The following NOTCH2NLC variants were observed in gnomAD, a reference collection of about 807,000 sequenced individuals.
The protein encoded by NOTCH2NLC is notch homolog 2 N-terminal-like protein C.
In NOTCH2NLC, 4 loss-of-function variants were observed where a neutral mutation model predicts 17.7. The observed-to-expected ratio is 0.23, with a 90% CI of 0.11 to 0.52. The LOEUF (loss-of-function observed/expected upper bound fraction) is 0.52, where lower values mean the gene tolerates loss of function less well. Among genes scored for constraint, NOTCH2NLC ranks in the 20% least tolerant of loss-of-function variants. NOTCH2NLC has a pLI of 0.96. For missense variants in NOTCH2NLC, 57 were observed against 207.2 expected, an observed-to-expected ratio of 0.28 and a Z score of 4.45; for synonymous variants, 18 against 86.0, an observed-to-expected ratio of 0.21 and a Z score of 4.38.
intron 2 of NOTCH2NLC, among the ~76,000 whole-genome samples, chr1:149,450,534 G>T (rs1192408669): frequency 7.5e-6 from 1 of 133,624 alleles, no homozygotes; most frequent in Non-Finnish European, 1.6e-5. Flanking sequence ...AGCAGAGGCT[G>T]GTGATCATCT....
At chr1:149,397,989 A>G (rs1325863749) in intron 1 of NOTCH2NLC, among the ~76,000 whole-genome samples, 1 of 140,954 alleles carries the variant, frequency 7.1e-6, no homozygotes, top group South Asian at 2.3e-4. Flanking sequence ...TGACATCATC[A>G]TGGAGACAAG....
At chr1:149,398,274 T>G (rs2084220152) in intron 1 of NOTCH2NLC, among the ~76,000 whole-genome samples, 1 of 150,180 alleles carries the variant, frequency 6.7e-6, no homozygotes, top group Admixed American at 6.6e-5. Flanking sequence ...CTTTGTCTGG[T>G]GAGGGTGTAA....
At chr1:149,432,891 A>ACCAGAAATACCATTTGGC (rs2084460834) in intron 2 of NOTCH2NLC, among the ~76,000 whole-genome samples, 1 of 149,036 alleles carries the variant, frequency 6.7e-6, no homozygotes, top group Non-Finnish European at 1.5e-5. Flanking sequence ...AGGATCTAGA[A>ACCAGAAATACCATTTGGC]CCAGAAATAC....
chr1:149,460,860 T>TTTCTTTCTTTCC (rs2084641942), intron 3 of NOTCH2NLC, among the ~76,000 whole-genome samples: 75 of 2,682 alleles, frequency 0.028, 13 homozygotes, highest in East Asian at 0.12. Flanking sequence ...TCTCCCTTTC[T>TTTCTTTCTTTCC]TTCTTTCTTT....
intron 1 of NOTCH2NLC, among the ~76,000 whole-genome samples, chr1:149,424,415 C>T (rs1205965231): frequency 6.7e-6 from 1 of 150,232 alleles, no homozygotes; most frequent in Non-Finnish European, 1.5e-5. Context: ...CTCTCTGCCC[C>T]TACTCCCAAC....
chr1:149,399,348 A>G (rs1378893578), intron 1 of NOTCH2NLC, among the ~76,000 whole-genome samples: 1 of 144,442 alleles, frequency 6.9e-6, no homozygotes, highest in African/African-American at 2.6e-5. Context: ...CCTAACCAAC[A>G]TTCAAATAAG....
At chr1:149,437,247 A>C (rs1486994365) in intron 2 of NOTCH2NLC, among the ~76,000 whole-genome samples, 1 of 135,072 alleles carries the variant, frequency 7.4e-6, no homozygotes, top group East Asian at 2.1e-4. Context: ...AGAGAGTGCC[A>C]AAAAACTCAC....
At chr1:149,461,101 AT>A (rs1365563690) in intron 3 of NOTCH2NLC, among the ~76,000 whole-genome samples, 20 of 150,156 alleles carry the variant, frequency 1.3e-4, no homozygotes, top group African/African-American at 4.4e-4. Flanking sequence ...AGCCCGGCAA[AT>A]TTTTGTAGTT....
Position 149,466,372 on chromosome 1 carries a change from T to A in NOTCH2NLC, c.*2219T>A, listed in dbSNP as rs2084684370. 1.4e-5 allele frequency: 2 copies of A among 141,740 alleles called. No individual in the cohort carries two copies. The highest frequency in any genetic ancestry group is 2.3e-4 in the South Asian group (1 of 4,376). 8.8% of individuals were successfully genotyped at this position (141,740 alleles called of 1,614,324 possible). ...GTCCCATAATCTAAACCAGATGACT[T>A]CAGCTTTGGATAAATATATAGAAGG... On this transcript the variant is annotated 3_prime_UTR_variant, in exon 5 of 5. Coordinates refer to ENST00000650865, the MANE Select transcript of NOTCH2NLC (RefSeq NM_001364013.2).
rs1186245718 is a variant in NOTCH2NLC, at chr1:149,417,424, T to C, written c.136-13518T>C. The stretch of plus-strand genomic sequence containing the variant: ...CGCCCGGCCGGATATCAGGTTTTTC[T>C]AACTGCGTATTTACAGATGTAGTGA... On this transcript the variant is annotated intron_variant, in intron 1 of 4. Transcript: ENST00000650865. Among the ~76,000 whole-genome samples, 138 of 151,418 alleles carry C rather than the reference T, an allele frequency of 9.1e-4. 2 individuals carry two copies. Among genetic ancestry groups the C allele is most frequent in the African/African-American group, 3.1e-3 (130 of 41,364 alleles).
intron 3 of NOTCH2NLC, among the ~76,000 whole-genome samples, chr1:149,462,838 T>TTA (rs2084657716): frequency 1.4e-5 from 2 of 144,936 alleles, no homozygotes; most frequent in East Asian, 2.0e-4. Flanking sequence ...AGTTGATTTT[T>TTA]TTTTTTTTTT....
chr1:149,424,222 TAA>T (rs1396915303), intron 1 of NOTCH2NLC, among the ~76,000 whole-genome samples: 1 of 151,386 alleles, frequency 6.6e-6, no homozygotes, highest in African/African-American at 2.4e-5. Context: ...CCTGAATAAA[TAA>T]AAGAGCCTTG....
intron 1 of NOTCH2NLC, among the ~76,000 whole-genome samples, chr1:149,429,143 G>A (rs2084429596): frequency 6.8e-6 from 1 of 147,738 alleles, no homozygotes; most frequent in African/African-American, 2.5e-5. Flanking sequence ...GTTTGGGCCT[G>A]CAGCCTGGTG....
At chr1:149,437,693 G>T (rs2084490427) in intron 2 of NOTCH2NLC, among the ~76,000 whole-genome samples, 1 of 150,574 alleles carries the variant, frequency 6.6e-6, no homozygotes, top group East Asian at 1.9e-4. Context: ...TCTATCTCCT[G>T]ACCTCATGAT....
chr1:149,423,737 C>G (rs1488025226), intron 1 of NOTCH2NLC, among the ~76,000 whole-genome samples: 1 of 148,214 alleles, frequency 6.7e-6, no homozygotes, highest in African/African-American at 2.5e-5. Flanking sequence ...CTCAGACAGT[C>G]AAGACATTAA....
Position 149,390,823 on chromosome 1 carries a change from C to CGGCGGCGGCGGCGGCGGCGGCGGCGGT in NOTCH2NLC, c.44_45insCGGCGGCGGCGGCGGCGGTGGCGGCGG (p.Gly10_Gly18dup). On this transcript the variant is annotated inframe_insertion, in exon 1 of 5. Transcript: ENST00000650865. ...GCCCAGGCGGCGGCGGCGGCGGCGG[C>CGGCGGCGGCGGCGGCGGCGGCGGCGGT]GGCGGCGGAGGAGGCGGCGACCGAG... The CGGCGGCGGCGGCGGCGGCGGCGGCGGT allele has an allele frequency of 7.5e-7, 1 of 1,324,838 alleles. No individual in the cohort carries two copies. The highest frequency in any genetic ancestry group is 9.6e-7 in the Non-Finnish European group (1 of 1,039,294). The allele number at this position is 1,324,838 out of a possible 1,614,324, so 82.1% of individuals were successfully genotyped here.
chr1:149,454,300 C>G (rs1265572895), intron 2 of NOTCH2NLC, among the ~76,000 whole-genome samples: 2 of 40,952 alleles, frequency 4.9e-5, no homozygotes, highest in Non-Finnish European at 9.8e-5. Context: ...AAATATATAG[C>G]AGCATTTATA....
intron 3 of NOTCH2NLC, among the ~76,000 whole-genome samples, chr1:149,460,903 CTT>C (rs1425141982): frequency 2.8e-4 from 30 of 108,330 alleles, no homozygotes; most frequent in South Asian, 1.5e-3. Context: ...TTCTTTCTTT[CTT>C]TCTTTCTTTC....
intron 1 of NOTCH2NLC, among the ~76,000 whole-genome samples, chr1:149,427,199 C>T (rs1438578826): frequency 6.6e-6 from 1 of 150,590 alleles, no homozygotes; most frequent in Non-Finnish European, 1.5e-5. Flanking sequence ...TAACTATATT[C>T]ACCACTCTAT....
Sources: allele counts gnomAD v4.1 joint callset (sites outside exome capture counted in the v4.1 genomes callset), GRCh38; gene constraint gnomAD v4.1.1; transcripts MANE v1.5; gene names NCBI Gene and HGNC (gene_info 2026-07-23, HGNC 2026-07-21).